The following DGKB variants were observed in gnomAD, a reference collection of about 807,000 sequenced individuals.
DGKB encodes diacylglycerol kinase beta, also known as 90 kDa diacylglycerol kinase.
A neutral mutation model predicts 114.3 loss-of-function variants in DGKB; 67 were observed. The observed-to-expected ratio is 0.59, with a 90% CI of 0.48 to 0.72. DGKB has a LOEUF of 0.72. DGKB is among the 30% of genes least tolerant of loss of function. The pLI is 0.00. For synonymous variants in DGKB, 398 were observed against 323.1 expected, an observed-to-expected ratio of 1.23 and a Z score of -2.49; for missense variants, 907 against 975.2, an observed-to-expected ratio of 0.93 and a Z score of 0.93.
intron 1 of DGKB, among the ~76,000 whole-genome samples, chr7:14,858,380 T>C (rs1850487641): frequency 6.6e-6 from 1 of 152,168 alleles, no homozygotes. Flanking sequence ...AACATACTTT[T>C]CTCTTACTTA....
intron 1 of DGKB, among the ~76,000 whole-genome samples, chr7:14,962,524 C>CT (rs761860003): frequency 4.6e-5 from 7 of 151,908 alleles, no homozygotes; most frequent in Non-Finnish European, 1.0e-4. Flanking sequence ...AATTTTGTCT[C>CT]TTTCTTTTTA....
At chr7:14,668,038 T>A (rs1248800499) in intron 13 of DGKB, among the ~76,000 whole-genome samples, 1 of 152,096 alleles carries the variant, frequency 6.6e-6, no homozygotes, top group Non-Finnish European at 1.5e-5. Flanking sequence ...GACCCTTGTT[T>A]ACTGTAATAG....
At chr7:14,914,625 A>C (rs1486377511) in intron 1 of DGKB, among the ~76,000 whole-genome samples, 2 of 152,326 alleles carry the variant, frequency 1.3e-5, no homozygotes, top group East Asian at 3.9e-4. Flanking sequence ...TACTAGAAGC[A>C]AGAAAAAAAC....
chr7:14,164,860 A>G lies in DGKB; in HGVS notation c.2304+11979T>C, dbSNP rs78751271. 8.8e-3 allele frequency among the ~76,000 whole-genome samples: 1,336 copies of G among 152,284 alleles called. 15 individuals carry two copies. The highest frequency in any genetic ancestry group is 0.031 in the African/African-American group (1,272 of 41,564). ...TAACAATACTTAATATATACCAGAA[A>G]TTAATTAATGCTTTCTTAATATCAC... On this transcript the variant is annotated intron_variant, in intron 25 of 25. Transcript: ENST00000402815.
intron 23 of DGKB, among the ~76,000 whole-genome samples, chr7:14,179,355 T>G (rs992300400): frequency 2.0e-5 from 3 of 152,344 alleles, no homozygotes; most frequent in African/African-American, 7.2e-5. Flanking sequence ...CATTGTAATA[T>G]TCTTATGTGT....
At chr7:14,612,533 A>C (rs568064408) in intron 16 of DGKB, among the ~76,000 whole-genome samples, 1 of 152,246 alleles carries the variant, frequency 6.6e-6, no homozygotes, top group Non-Finnish European at 1.5e-5. Context: ...GGAAAGTTAA[A>C]TGGTAGAAAA....
At position 14,694,181 on chromosome 7, in the gene DGKB, AT is replaced by A; in HGVS notation, c.604del (p.Met202Ter). 1 of 1,572,904 alleles carries A rather than the reference AT, an allele frequency of 6.4e-7. No individual in the cohort carries two copies. Among genetic ancestry groups the A allele is most frequent in the Non-Finnish European group, 8.6e-7 (1 of 1,157,448 alleles). On this transcript the variant is annotated frameshift_variant, in exon 9 of 26. Transcript: ENST00000402815. LOFTEE classifies it high-confidence loss of function. ...ATGATCATAGTCAATTTCTTCCATC[AT>A]TTCATGGAGGATCTGGAGTAGAGGA... is the stretch of plus-strand genomic sequence containing the variant. ...VTELNPILHEMMEEIDYDHDG... is the reference protein window; with the variant it reads ...VTELNPILHEXMEEIDYDHDG...
chr7:14,500,637 G>A (rs1362420125), intron 20 of DGKB, among the ~76,000 whole-genome samples: 2 of 151,632 alleles, frequency 1.3e-5, no homozygotes, highest in Non-Finnish European at 3.0e-5. Context: ...ATACCTACAG[G>A]TATTACTCCT....
intron 21 of DGKB, among the ~76,000 whole-genome samples, chr7:14,406,091 C>T (rs984587768): frequency 3.3e-5 from 5 of 151,962 alleles, no homozygotes; most frequent in Non-Finnish European, 7.4e-5. Flanking sequence ...AGAGATACAG[C>T]CATTATTAGA....
chr7:14,425,561 C>T (rs907727145), intron 21 of DGKB, among the ~76,000 whole-genome samples: 7 of 152,098 alleles, frequency 4.6e-5, no homozygotes, highest in African/African-American at 1.7e-4. Context: ...CTATATCCAA[C>T]ATACAGAAAG....
chr7:14,186,428 A>G (rs936128582), intron 23 of DGKB, among the ~76,000 whole-genome samples: 2 of 152,234 alleles, frequency 1.3e-5, no homozygotes, highest in African/African-American at 4.8e-5. Flanking sequence ...GGGAATGTAA[A>G]CTAGCACAGC....
chr7:14,386,390 C>T (rs1040094493), intron 21 of DGKB, among the ~76,000 whole-genome samples: 2 of 152,172 alleles, frequency 1.3e-5, no homozygotes, highest in African/African-American at 4.8e-5. Flanking sequence ...TTGTCTCACA[C>T]CTCTACACTT....
intron 2 of DGKB, among the ~76,000 whole-genome samples, chr7:14,818,228 C>T (rs1464296368): frequency 1.3e-5 from 2 of 152,148 alleles, no homozygotes; most frequent in Non-Finnish European, 2.9e-5. Context: ...GAATAATCCT[C>T]CTACAAGTGA....
chr7:14,560,462 T>C (rs1167415092), intron 20 of DGKB, among the ~76,000 whole-genome samples: 2 of 152,194 alleles, frequency 1.3e-5, no homozygotes, highest in Non-Finnish European at 2.9e-5. Flanking sequence ...ATGAAGTAGT[T>C]GTCTTTCTGT....
chr7:14,170,145 A>AGAAAG (rs1554271984), intron 25 of DGKB, among the ~76,000 whole-genome samples: 1 of 99,982 alleles, frequency 1.0e-5, no homozygotes, highest in African/African-American at 3.7e-5. Flanking sequence ...AAAAAAAAAA[A>AGAAAG]AAAGAAAGAA....
intron 25 of DGKB, among the ~76,000 whole-genome samples, chr7:14,168,380 C>A (rs1400224656): frequency 6.6e-6 from 1 of 151,962 alleles, no homozygotes; most frequent in South Asian, 2.1e-4. Context: ...GAGTGTGTGG[C>A]GTAGAAGTCA....
intron 21 of DGKB, among the ~76,000 whole-genome samples, chr7:14,355,867 C>T (rs111729967): frequency 0.043 from 6,477 of 152,186 alleles, 235 homozygotes; most frequent in South Asian, 0.1. Flanking sequence ...AGCTCCTCCT[C>T]GTACCTCTGG....
At chr7:14,805,071 T>G (rs1020512854) in intron 2 of DGKB, among the ~76,000 whole-genome samples, 1 of 152,088 alleles carries the variant, frequency 6.6e-6, no homozygotes, top group Admixed American at 6.6e-5. Context: ...AAGATGTTCT[T>G]CTCCTTGTAT....
intron 21 of DGKB, among the ~76,000 whole-genome samples, chr7:14,467,224 C>T (rs1780613824): frequency 6.7e-6 from 1 of 148,826 alleles, no homozygotes; most frequent in Non-Finnish European, 1.5e-5. Flanking sequence ...TTATTACATA[C>T]TTATTTATAT....
Sources: gnomAD v4.1 joint callset for allele counts (sites outside exome capture counted in the v4.1 genomes callset) on GRCh38, gnomAD v4.1.1 for gene constraint, MANE v1.5 for transcripts, NCBI Gene and HGNC (gene_info 2026-07-23, HGNC 2026-07-21) for gene names.